Variants in GRID2 observed in about 807,000 individuals in gnomAD.
The protein encoded by GRID2 is glutamate receptor ionotropic, delta-2.
In GRID2, 33 loss-of-function variants were observed where a neutral mutation model predicts 114.8. The observed-to-expected ratio is 0.29, with a 90% CI of 0.22 to 0.38. The LOEUF is 0.38. Among genes scored for constraint, GRID2 ranks in the 10% least tolerant of loss-of-function variants. The pLI, the probability that GRID2 is intolerant of heterozygous loss-of-function variation, is 1.00. For missense variants in GRID2, 1,184 were observed against 1,257.7 expected (o/e 0.94, Z 0.89); for synonymous variants, 505 against 449.9 (o/e 1.12, Z -1.55).
intron 8 of GRID2, among the ~76,000 whole-genome samples, chr4:93,368,892 C>A (rs1046635425): frequency 6.6e-6 from 1 of 151,918 alleles, no homozygotes; most frequent in Middle Eastern, 3.2e-3. Flanking sequence ...TAAAAGAAAA[C>A]GTTGATTTCA....
intron 9 of GRID2, among the ~76,000 whole-genome samples, chr4:93,402,887 A>G (rs1340694344): frequency 6.6e-6 from 1 of 152,092 alleles, no homozygotes; most frequent in African/African-American, 2.4e-5. Context: ...TTGTCCTTAA[A>G]TTTTTTGCTA....
At chr4:93,288,088 A>G (rs1188623330) in intron 8 of GRID2, among the ~76,000 whole-genome samples, 2 of 152,208 alleles carry the variant, frequency 1.3e-5, no homozygotes. Flanking sequence ...GTTTCTGCCA[A>G]TAAATTTTTA....
intron 14 of GRID2, among the ~76,000 whole-genome samples, chr4:93,715,090 C>A (rs543732362): frequency 6.6e-6 from 1 of 152,076 alleles, no homozygotes; most frequent in Non-Finnish European, 1.5e-5. Context: ...TTTAATCCAT[C>A]TTGAGTTGAT....
At chr4:93,721,026 A>G (rs1475644160) in intron 14 of GRID2, among the ~76,000 whole-genome samples, 2 of 152,160 alleles carry the variant, frequency 1.3e-5, no homozygotes, top group Non-Finnish European at 2.9e-5. Context: ...GTCCTTTATT[A>G]ATCCCCATTT....
At chr4:93,750,937 G>T (rs537128012) in intron 14 of GRID2, among the ~76,000 whole-genome samples, 9 of 152,164 alleles carry the variant, frequency 5.9e-5, no homozygotes, top group Non-Finnish European at 1.3e-4. Flanking sequence ...ACAGTTCAAG[G>T]TTTGGGAAAT....
chr4:93,009,747 A>C (rs897852277), intron 2 of GRID2, among the ~76,000 whole-genome samples: 2 of 152,028 alleles, frequency 1.3e-5, no homozygotes, highest in African/African-American at 2.4e-5. Flanking sequence ...TTCTATTTCC[A>C]AGTATTTCTG....
chr4:92,688,756 A>G (rs1312683557), intron 2 of GRID2, among the ~76,000 whole-genome samples: 1 of 152,086 alleles, frequency 6.6e-6, no homozygotes, highest in East Asian at 1.9e-4. Flanking sequence ...ACTTCTTTTA[A>G]TGTTGATATT....
In GRID2 at chr4:93,373,841, G is replaced by A. The variant is rs575143324; in HGVS notation, c.1246-21766G>A. Among the ~76,000 whole-genome samples the A allele has an allele frequency of 7.2e-5, 11 of 152,244 alleles. 1 individual carries two copies. In the South Asian group the frequency reaches 1.9e-3, roughly 26 times the overall value. On this transcript the variant is annotated intron_variant, in intron 8 of 15. Transcript: ENST00000282020. ...CTAGTTCCAATGAGAAATGCCAGCCGGGAAAGGCTGCTACAGTATGTAGCA... is the reference window on the plus strand; with the variant it reads ...CTAGTTCCAATGAGAAATGCCAGCCAGGAAAGGCTGCTACAGTATGTAGCA...
intron 1 of GRID2, among the ~76,000 whole-genome samples, chr4:92,443,104 C>G (rs528186735): frequency 2.8e-4 from 43 of 151,940 alleles, no homozygotes; most frequent in Non-Finnish European, 5.4e-4. Flanking sequence ...ACTGAGGGGA[C>G]AGGCAGGAGG....
chr4:93,493,771 A>G (rs957322311), intron 12 of GRID2, among the ~76,000 whole-genome samples: 5 of 151,836 alleles, frequency 3.3e-5, no homozygotes, highest in Non-Finnish European at 5.9e-5. Context: ...TGATGGAAAA[A>G]GATTGTAATT....
intron 1 of GRID2, among the ~76,000 whole-genome samples, chr4:92,357,874 G>A (rs533333516): frequency 2.0e-5 from 3 of 151,726 alleles, no homozygotes; most frequent in African/African-American, 7.3e-5. Context: ...TTAAGACAGG[G>A]CTGATCACAA....
intron 2 of GRID2, among the ~76,000 whole-genome samples, chr4:93,079,782 A>C (rs1254269694): frequency 6.6e-6 from 1 of 152,164 alleles, no homozygotes; most frequent in Non-Finnish European, 1.5e-5. Context: ...AATTATAATT[A>C]AAGGTTCACG....
intron 1 of GRID2, among the ~76,000 whole-genome samples, chr4:93,793,753 G>T (rs768188670): frequency 4.6e-5 from 7 of 152,004 alleles, no homozygotes; most frequent in Non-Finnish European, 8.8e-5. Flanking sequence ...TACAATGAGG[G>T]GAAGCTAAGC....
At chr4:92,441,806 T>C (rs1733103376) in intron 1 of GRID2, among the ~76,000 whole-genome samples, 1 of 151,682 alleles carries the variant, frequency 6.6e-6, no homozygotes, top group Non-Finnish European at 1.5e-5. Flanking sequence ...CTTATACTTG[T>C]GGGTTAAGGT....
intron 2 of GRID2, among the ~76,000 whole-genome samples, chr4:93,042,698 T>TAGATATATAG (rs1472393157): frequency 2.1e-5 from 3 of 144,574 alleles, no homozygotes; most frequent in Non-Finnish European, 3.0e-5. Flanking sequence ...TATGCATATA[T>TAGATATATAG]ATATGCATAT....
chr4:93,730,991 C>G (rs557553192), intron 14 of GRID2, among the ~76,000 whole-genome samples: 1 of 152,314 alleles, frequency 6.6e-6, no homozygotes, highest in African/African-American at 2.4e-5. Context: ...GCAGTTTCCC[C>G]GTGACACCTG....
intron 1 of GRID2, among the ~76,000 whole-genome samples, chr4:92,350,292 G>A (rs1043368286): frequency 4.0e-5 from 6 of 151,728 alleles, no homozygotes; most frequent in East Asian, 3.9e-4. Context: ...CCCAAAGGAT[G>A]TATTGTTATT....
chr4:93,581,190 G>T (rs887302303), intron 13 of GRID2, among the ~76,000 whole-genome samples: 1 of 145,482 alleles, frequency 6.9e-6, no homozygotes, highest in Non-Finnish European at 1.5e-5. Flanking sequence ...GCAAGAACAT[G>T]CATTGTTTGG....
chr4:92,909,956 A>G (rs1748247974), intron 2 of GRID2, among the ~76,000 whole-genome samples: 1 of 152,188 alleles, frequency 6.6e-6, no homozygotes, highest in Non-Finnish European at 1.5e-5. Context: ...GGAGAAATTA[A>G]GGAAGTCCTC....
Sources: allele counts gnomAD v4.1 joint callset (sites outside exome capture counted in the v4.1 genomes callset), GRCh38; gene constraint gnomAD v4.1.1; transcripts MANE v1.5; gene names NCBI Gene and HGNC (gene_info 2026-07-23, HGNC 2026-07-21).